ZC3H12C: variants seen among roughly 807,000 people sequenced by gnomAD.
ZC3H12C encodes the protein zinc finger CCCH-type containing 12C.
ZC3H12C carries 20 observed loss-of-function variants against 76.3 expected under a neutral mutation model. The observed-to-expected ratio is 0.26, with a 90% CI of 0.18 to 0.38. The LOEUF is 0.38. Ranked by LOEUF, ZC3H12C falls within the 10% of genes least tolerant of loss-of-function variation. The probability of loss-of-function intolerance (pLI) is 1.00; values close to 1 mark genes in which losing one functional copy is unlikely to be tolerated. For missense variants in ZC3H12C, 874 were observed against 1,086.5 expected, an observed-to-expected ratio of 0.80 and a Z score of 2.75; for synonymous variants, 352 against 399.6, an observed-to-expected ratio of 0.88 and a Z score of 1.42.
chr11:110,114,252 C>G lies in ZC3H12C; in HGVS notation c.21+20820C>G, dbSNP rs941022142. On this transcript the variant is annotated intron_variant, in intron 1 of 5. Coordinates refer to ENST00000278590, the MANE Select transcript of ZC3H12C (RefSeq NM_033390.2). ...TTACTCCCCCTCCTTCTACCTAACA[C>G]AGACACATATACCATAGGGAATATA... Among the ~76,000 whole-genome samples, 3 of 152,136 alleles carry G rather than the reference C, an allele frequency of 2.0e-5. No homozygotes were observed. The East Asian group carries it at 5.8e-4, about 29-fold the overall frequency.
rs1046489208 is a variant in ZC3H12C, at chr11:110,165,201, C to T, written c.2116C>T (p.Leu706=). 4.3e-6 allele frequency: 7 copies of T among 1,613,840 alleles called. No individual in the cohort carries two copies. Among genetic ancestry groups the T allele is most frequent in the Non-Finnish European group, 5.1e-6 (6 of 1,179,904 alleles). The change falls in exon 6 of 6, where the codon CTG becomes TTG. Residue 706 remains leucine, a synonymous_variant. Transcript: ENST00000278590. ...CCATCACAAGCCTCCTCTTCCGCAC[C>T]TGGCTCTGCACCTGCCGCACTCCGC... ...KFHHKPPLPH[L]ALHLPHSAVG...
Position 110,171,156 on chromosome 11 carries a change from G to A in ZC3H12C, c.*5419G>A, listed in dbSNP as rs945927676. ...CTTTCGCCACCTTTCTTAAAGCAGC[G>A]TATGTTCCAAGGGAAAAAGGCATTG... On this transcript the variant is annotated 3_prime_UTR_variant, in exon 6 of 6. Coordinates refer to ENST00000278590, the MANE Select transcript of ZC3H12C (RefSeq NM_033390.2). 2.0e-5 allele frequency: 3 copies of A among 152,158 alleles called. No homozygotes were observed. The highest frequency in any genetic ancestry group is 2.9e-5 in the Non-Finnish European group (2 of 68,020). The allele number at this position is 152,158 out of a possible 1,614,324, so 9.4% of individuals were successfully genotyped here. A position where few individuals can be genotyped will look rare whatever the true frequency, so the allele number is the denominator to read the frequency against.
chr11:110,117,877 CAT>C (rs201259750), intron 1 of ZC3H12C, among the ~76,000 whole-genome samples: 9,453 of 39,826 alleles, frequency 0.24, 2,870 homozygotes, highest in Non-Finnish European at 0.32. Context: ...TATACACACA[CAT>C]ATATATATTA....
chr11:110,096,748 A>G (rs1861120179), intron 1 of ZC3H12C, among the ~76,000 whole-genome samples: 1 of 152,228 alleles, frequency 6.6e-6, no homozygotes, highest in South Asian at 2.1e-4. Context: ...AGTATGTAAG[A>G]CGAGAAGCCT....
intron 1 of ZC3H12C, among the ~76,000 whole-genome samples, chr11:110,125,368 C>G (rs191990580): frequency 6.6e-6 from 1 of 151,160 alleles, no homozygotes; most frequent in East Asian, 1.9e-4. Context: ...GTCATACAGG[C>G]TGGAGTGCAG....
intron 2 of ZC3H12C, among the ~76,000 whole-genome samples, chr11:110,143,441 G>A (rs1386503956): frequency 1.3e-5 from 2 of 151,368 alleles, no homozygotes. Context: ...CCTAAAATAT[G>A]AGAAAAAAAT....
At chr11:110,093,586 G>A (rs1339129643) in intron 1 of ZC3H12C, among the ~76,000 whole-genome samples, 154 bp downstream of exon 1, 3 of 151,822 alleles carry the variant, frequency 2.0e-5, no homozygotes, top group East Asian at 3.9e-4. Context: ...AGGCCCAGGC[G>A]GGTCGGGCTC....
intron 3 of ZC3H12C, among the ~76,000 whole-genome samples, chr11:110,156,594 A>G (rs1862380774): frequency 5.9e-5 from 9 of 152,234 alleles, no homozygotes; most frequent in Admixed American, 5.9e-4. Context: ...ATAGATGAGT[A>G]GACATCCTCA....
intron 1 of ZC3H12C, among the ~76,000 whole-genome samples, chr11:110,102,769 A>G (rs1241236932): frequency 5.3e-5 from 8 of 152,170 alleles, no homozygotes; most frequent in Admixed American, 5.2e-4. Flanking sequence ...ATATTGAGAA[A>G]TTGCCACAGC....
intron 2 of ZC3H12C, among the ~76,000 whole-genome samples, chr11:110,148,965 A>T (rs1019614325): frequency 6.6e-6 from 1 of 152,096 alleles, no homozygotes; most frequent in African/African-American, 2.4e-5. Flanking sequence ...GTTGTCCCTT[A>T]TATTGTATCT....
rs764463968 is a variant in ZC3H12C, at chr11:110,165,467, C to T, written c.2382C>T (p.Ser794=). ...CCTATGGGTACCGGCAGACTTATTC[C>T]TTGCCCGATAACTCCACACAGCCGT... ...IDAYGYRQTY[S]LPDNSTQPCY... Residue 794 remains serine, a synonymous_variant, in exon 6 of 6, where the codon TCC becomes TCT. Transcript: ENST00000278590. The T allele has an allele frequency of 6.2e-7, 1 of 1,614,050 alleles. No homozygotes were observed. Among genetic ancestry groups the T allele is most frequent in the Non-Finnish European group, 8.5e-7 (1 of 1,179,894 alleles).
intron 1 of ZC3H12C, among the ~76,000 whole-genome samples, chr11:110,113,027 T>G (rs1269745129): frequency 2.0e-5 from 3 of 151,800 alleles, no homozygotes; most frequent in Non-Finnish European, 4.4e-5. Context: ...TAAAAAAAAG[T>G]CTTCTTTTGA....
At chr11:110,148,581 C>A (rs996527191) in intron 2 of ZC3H12C, among the ~76,000 whole-genome samples, 40 of 152,194 alleles carry the variant, frequency 2.6e-4, no homozygotes, top group Admixed American at 2.4e-3. Context: ...CGGGTGACCA[C>A]AAATCCTCCA....
chr11:110,163,154 C>A, intron 4 of ZC3H12C, 119 bp from the exon 5 acceptor site: 1 of 724,342 alleles, frequency 1.4e-6, no homozygotes, highest in Non-Finnish European at 2.2e-6. Context: ...GGAATCAAAA[C>A]ACTTGGATTA....
At chr11:110,118,013 A>G (rs1861583750) in intron 1 of ZC3H12C, among the ~76,000 whole-genome samples, 1 of 125,858 alleles carries the variant, frequency 7.9e-6, no homozygotes, top group Non-Finnish European at 1.7e-5. Context: ...TTATATATAT[A>G]CACACACACA....
In ZC3H12C at chr11:110,166,794, A is replaced by G. The variant is rs965991393; in HGVS notation, c.*1057A>G. On this transcript the variant is annotated 3_prime_UTR_variant, in exon 6 of 6. Coordinates refer to ENST00000278590, the MANE Select transcript of ZC3H12C (RefSeq NM_033390.2). ...TGAGGTGGGTTTATGTGTTGAGGTT[A>G]TGCAACATTTCTTGATACTGCACTA... 1.3e-5 allele frequency: 2 copies of G among 152,172 alleles called. No individual in the cohort carries two copies. Among genetic ancestry groups the G allele is most frequent in the Admixed American group, 1.3e-4 (2 of 15,270 alleles). The allele number at this position is 152,172 out of a possible 1,614,324, so 9.4% of individuals were successfully genotyped here. A position where few individuals can be genotyped will look rare whatever the true frequency, so the allele number is the denominator to read the frequency against.
At chr11:110,119,526 C>T (rs55863886) in intron 1 of ZC3H12C, among the ~76,000 whole-genome samples, 34,186 of 152,136 alleles carry the variant, frequency 0.22, 3,984 homozygotes, top group Middle Eastern at 0.33. Flanking sequence ...TGGCTCTTCC[C>T]TTGGAGGCTC....
chr11:110,139,869 CT>C lies in ZC3H12C; in HGVS notation c.773+2472del, dbSNP rs58867910. 7.3e-3 allele frequency among the ~76,000 whole-genome samples: 957 copies of C among 131,468 alleles called. 6 individuals are homozygous for C. Among genetic ancestry groups the C allele is most frequent in the African/African-American group, 0.023 (806 of 35,242 alleles). 86.2% of individuals were successfully genotyped at this position (131,468 alleles called of 152,430 possible). A position where few individuals can be genotyped will look rare whatever the true frequency, so the allele number is the denominator to read the frequency against. ...CCTCTAGTTTAAATTCATATATTTT[CT>C]TTTTTTTTTTTTTTTTGAGACTGAG... On this transcript the variant is annotated intron_variant, in intron 2 of 5. Coordinates refer to ENST00000278590, the MANE Select transcript of ZC3H12C (RefSeq NM_033390.2).
chr11:110,093,909 T>C (rs1050107213), intron 1 of ZC3H12C, among the ~76,000 whole-genome samples: 1 of 151,636 alleles, frequency 6.6e-6, no homozygotes, highest in Non-Finnish European at 1.5e-5. Context: ...TAACTATCCA[T>C]CCCTCCATCC....
Sources: allele counts gnomAD v4.1 joint callset (sites outside exome capture counted in the v4.1 genomes callset), GRCh38; gene constraint gnomAD v4.1.1; transcripts MANE v1.5; gene names NCBI Gene and HGNC (gene_info 2026-07-23, HGNC 2026-07-21).